Variants in CSMD1 observed in about 807,000 individuals in gnomAD.
CSMD1 encodes CUB and Sushi multiple domains 1.
A neutral mutation model predicts 417.5 loss-of-function variants in CSMD1; 213 were observed. The ratio of observed to expected loss-of-function variants is 0.51; its 90% CI spans 0.46 to 0.57. The LOEUF (loss-of-function observed/expected upper bound fraction) is 0.57. CSMD1 is among the 20% of genes least tolerant of loss of function. The probability of loss-of-function intolerance (pLI) is 0.00; values close to 1 mark genes in which losing one functional copy is unlikely to be tolerated. For synonymous variants in CSMD1, 2,862 were observed against 1,736.8 expected (o/e 1.65, Z -16.11); for missense variants, 6,923 against 4,529.7 (o/e 1.53, Z -15.17).
intron 7 of CSMD1, among the ~76,000 whole-genome samples, chr8:3,671,234 T>C (rs1171007050): frequency 7.0e-6 from 1 of 143,356 alleles, no homozygotes; most frequent in African/African-American, 2.5e-5. Context: ...GTATATGGGA[T>C]ATATATGTGT....
intron 2 of CSMD1, among the ~76,000 whole-genome samples, chr8:4,480,718 G>T (rs902000214): frequency 6.6e-6 from 1 of 152,146 alleles, no homozygotes; most frequent in Non-Finnish European, 1.5e-5. Context: ...CAACCACCTG[G>T]TATAGAATCC....
intron 23 of CSMD1, among the ~76,000 whole-genome samples, chr8:3,325,414 G>C (rs1354307109): frequency 3.9e-5 from 6 of 152,192 alleles, no homozygotes; most frequent in Admixed American, 3.3e-4. Flanking sequence ...CGTAAGCCTT[G>C]AGTTGGATCC....
At chr8:3,583,380 T>G (rs1246504448) in intron 9 of CSMD1, among the ~76,000 whole-genome samples, 1 of 151,932 alleles carries the variant, frequency 6.6e-6, no homozygotes, top group African/African-American at 2.4e-5. Flanking sequence ...GTGCCTCGAA[T>G]AGACTGCTAG....
intron 3 of CSMD1, among the ~76,000 whole-genome samples, chr8:4,265,931 A>G (rs1304911375): frequency 9.7e-6 from 1 of 103,540 alleles, no homozygotes; most frequent in African/African-American, 2.6e-5. Flanking sequence ...ATTTCCCCCC[A>G]TTGCCCAGGA....
At chr8:3,512,771 G>A (rs1274248575) in intron 10 of CSMD1, among the ~76,000 whole-genome samples, 2 of 151,728 alleles carry the variant, frequency 1.3e-5, no homozygotes, top group African/African-American at 2.4e-5. Flanking sequence ...ACCACACGCA[G>A]GTTTTTTATT....
intron 2 of CSMD1, among the ~76,000 whole-genome samples, chr8:4,572,935 T>C (rs903874649): frequency 1.3e-5 from 2 of 152,202 alleles, no homozygotes; most frequent in Admixed American, 6.5e-5. Context: ...GTATGCGTCA[T>C]GAAGTCCTTG....
At chr8:3,154,543 T>C (rs947103191) in intron 39 of CSMD1, among the ~76,000 whole-genome samples, 1 of 152,138 alleles carries the variant, frequency 6.6e-6, no homozygotes, top group Non-Finnish European at 1.5e-5. Flanking sequence ...TTCTTGGTTT[T>C]GGCGGGAGAA....
chr8:3,993,148 T>C (rs979330195), intron 5 of CSMD1, among the ~76,000 whole-genome samples: 1 of 152,220 alleles, frequency 6.6e-6, no homozygotes, highest in African/African-American at 2.4e-5. Flanking sequence ...AATTACACTA[T>C]GGTTATGTAA....
intron 23 of CSMD1, among the ~76,000 whole-genome samples, chr8:3,316,744 G>A (rs963961664): frequency 6.6e-6 from 1 of 152,174 alleles, no homozygotes; most frequent in African/African-American, 2.4e-5. Context: ...GGGAAAGACT[G>A]GAAAGGACTC....
chr8:3,482,384 G>A (rs1445235713), intron 11 of CSMD1, among the ~76,000 whole-genome samples: 3 of 152,084 alleles, frequency 2.0e-5, no homozygotes, highest in Non-Finnish European at 4.4e-5. Context: ...GTTAATATCT[G>A]ACAAAGTAGA....
intron 3 of CSMD1, among the ~76,000 whole-genome samples, chr8:4,073,782 A>T (rs952613276): frequency 6.6e-6 from 1 of 152,106 alleles, no homozygotes; most frequent in African/African-American, 2.4e-5. Flanking sequence ...CCAAATACAA[A>T]ATTTTGCTAA....
At chr8:3,411,676 A>G (rs1159576856) in intron 12 of CSMD1, among the ~76,000 whole-genome samples, 1 of 70,144 alleles carries the variant, frequency 1.4e-5, no homozygotes, top group Non-Finnish European at 3.0e-5. Flanking sequence ...ATACGTGTAT[A>G]TATACGTGTA....
At chr8:4,562,284 C>T (rs1444028799) in intron 2 of CSMD1, among the ~76,000 whole-genome samples, 1 of 152,152 alleles carries the variant, frequency 6.6e-6, no homozygotes, top group Non-Finnish European at 1.5e-5. Context: ...AGAGAGAGGA[C>T]AACCTGCTGG....
rs1815049782 is a variant in CSMD1 at position 3,994,504 on chromosome 8, C to G, written c.818+3399G>C. ...AGTCTCACCACTACACAAATCCTTC[C>G]TAATTGCAAGAAAAATAATGACTAG... On this transcript the variant is annotated intron_variant, in intron 5 of 69. Transcript: ENST00000635120. 2.0e-5 allele frequency among the ~76,000 whole-genome samples: 3 copies of G among 149,512 alleles called. No individual in the cohort carries two copies. The South Asian group carries it at 6.3e-4, about 32-fold the overall frequency.
At chr8:3,318,655 G>T (rs1194898596) in intron 23 of CSMD1, among the ~76,000 whole-genome samples, 1 of 152,170 alleles carries the variant, frequency 6.6e-6, no homozygotes, top group Non-Finnish European at 1.5e-5. Flanking sequence ...AGTTTAATTG[G>T]AGGTATTATA....
intron 3 of CSMD1, among the ~76,000 whole-genome samples, chr8:4,347,470 G>A (rs1366995809): frequency 6.6e-6 from 1 of 152,116 alleles, no homozygotes; most frequent in Non-Finnish European, 1.5e-5. Context: ...CATCTATGAA[G>A]AAGAAGGAAA....
At chr8:3,339,288 C>T (rs1456601188) in intron 23 of CSMD1, among the ~76,000 whole-genome samples, 1 of 152,088 alleles carries the variant, frequency 6.6e-6, no homozygotes, top group African/African-American at 2.4e-5. Flanking sequence ...TCCATTTTCA[C>T]AGGCCCTTCA....
chr8:4,967,032 A>G (rs1809913721), intron 1 of CSMD1, among the ~76,000 whole-genome samples: 1 of 152,204 alleles, frequency 6.6e-6, no homozygotes, highest in South Asian at 2.1e-4. Context: ...AATTGACCAG[A>G]CATCGCAGTG....
chr8:4,973,338 A>C (rs760341290), intron 1 of CSMD1, among the ~76,000 whole-genome samples: 1 of 152,210 alleles, frequency 6.6e-6, no homozygotes, highest in Non-Finnish European at 1.5e-5. Context: ...AATAGAGTTC[A>C]TTGAACAAAC....
Sources: allele counts gnomAD v4.1 joint callset (sites outside exome capture counted in the v4.1 genomes callset), GRCh38; gene constraint gnomAD v4.1.1; transcripts MANE v1.5; gene names NCBI Gene and HGNC (gene_info 2026-07-23, HGNC 2026-07-21).